The following GFRA4 variants were observed in gnomAD, a reference collection of about 807,000 sequenced individuals.
GFRA4 encodes GDNF family receptor alpha 4.
Under a neutral mutation model 28.5 loss-of-function variants are expected in GFRA4, and 31 were observed. The ratio of observed to expected loss-of-function variants is 1.09; its 90% confidence interval spans 0.82 to 1.47. The LOEUF is 1.47. GFRA4 is among the 40% of genes most tolerant of loss of function. The pLI is 0.00. For synonymous variants in GFRA4, 188 were observed against 188.0 expected (o/e 1.00, Z 0.00); for missense variants, 389 against 413.2 (o/e 0.94, Z 0.51).
chr20:3,660,869 G>A lies in GFRA4; in HGVS notation c.393-5C>T. The A allele has an allele frequency of 7.1e-7, 1 of 1,409,112 alleles. No individual in the cohort carries two copies. Among genetic ancestry groups the A allele is most frequent in the Non-Finnish European group, 9.2e-7 (1 of 1,091,744 alleles). The allele number at this position is 1,409,112 out of a possible 1,614,324, so 87.3% of individuals were successfully genotyped here. On this transcript the variant is annotated splice_polypyrimidine_tract_variant and splice_region_variant and intron_variant, in intron 2 of 5. Coordinates refer to ENST00000290417, the MANE Select transcript of GFRA4 (RefSeq NM_022139.4). ...TGAAAGGCCAGGAGGCGAGGCCTGC[G>A]CGGCGGGAGGGCGGTGAGCCGGAGA...
At chr20:3,662,488 C>T (rs912261453) in intron 1 of GFRA4, among the ~76,000 whole-genome samples, 1 of 152,008 alleles carries the variant, frequency 6.6e-6, no homozygotes, top group Non-Finnish European at 1.5e-5. Flanking sequence ...GGTATCCCCC[C>T]CCCAGGGCTG....
At chr20:3,663,288 T>A in intron 1 of GFRA4, 66 bp downstream of exon 1, 1 of 1,541,456 alleles carries the variant, frequency 6.5e-7, no homozygotes, top group African/African-American at 1.4e-5. Flanking sequence ...CCCTCCCACC[T>A]TGTCACTGAG....
intron 4 of GFRA4, 121 bp from the exon 5 acceptor site, chr20:3,660,370 G>A: frequency 9.4e-7 from 1 of 1,061,460 alleles, no homozygotes. Context: ...AAGGTGTGTG[G>A]TGAGGAATAA....
intron 1 of GFRA4, among the ~76,000 whole-genome samples, chr20:3,662,299 T>C (rs2087232273): frequency 2.0e-5 from 3 of 152,168 alleles, no homozygotes; most frequent in Non-Finnish European, 4.4e-5. Flanking sequence ...TGGCAGCCCC[T>C]TCCCAGGATT....
rs145198176 is a variant in GFRA4, at chr20:3,659,984, G to C, written c.735C>G (p.Ser245=). The change falls in exon 6 of 6, where the codon TCC becomes TCG. Residue 245 remains serine (S), a synonymous_variant. Transcript: ENST00000290417. ...GDPEHSLLQV[S]STGRALERRS... is the part of the protein sequence containing the mutation. Reference sequence around the variant, plus strand: ...GTCTCTCCAGGGCCCTGCCTGTGGAGGACACCTTGGGGGTGGGAGCCAAGT... The same window carrying C: ...GTCTCTCCAGGGCCCTGCCTGTGGACGACACCTTGGGGGTGGGAGCCAAGT... The C allele has an allele frequency of 9.6e-5, 152 of 1,575,812 alleles. No homozygotes were observed. The African/African-American group carries it at 1.7e-3, about 18-fold the overall frequency.
In GFRA4 at chr20:3,660,177, G is replaced by A. The variant is rs1272858848; in HGVS notation, c.710C>T (p.Pro237Leu). The change falls in exon 5 of 6, where the codon CCG becomes CTG. Residue 237 changes from proline (P) to leucine (L), a missense_variant. Physicochemically the swap from Pro to Leu is moderately conservative, Grantham distance 98 (BLOSUM62 -3). Coordinates refer to ENST00000290417, the MANE Select transcript of GFRA4 (RefSeq NM_022139.4). Reference sequence around the variant, plus strand: ...ACCTACCTGCAGGAGGCTGTGCTCCGGGTCTCCCTGGGGGTTCAGCTGGTC... The same window carrying A: ...ACCTACCTGCAGGAGGCTGTGCTCCAGGTCTCCCTGGGGGTTCAGCTGGTC... Reference protein sequence around the residue: ...LLDQLNPQGDPEHSLLQVSST... With the variant: ...LLDQLNPQGDLEHSLLQVSST... 3.8e-6 allele frequency: 6 copies of A among 1,594,980 alleles called. No individual in the cohort carries two copies. The Admixed American group carries it at 8.8e-5, about 24-fold the overall frequency.
rs2087201035 is a variant in GFRA4, at chr20:3,660,124, AG to A, written c.729+33del. 1.9e-6 allele frequency: 3 copies of A among 1,540,586 alleles called. No individual in the cohort carries two copies. The African/African-American group carries it at 4.1e-5, about 21-fold the overall frequency. ...AAGGGTGTGAAGGTGACAGTGGGGG[AG>A]GTGCCAGCTCACCCTCCCCTCCCTG... is the stretch of plus-strand genomic sequence containing the variant. On this transcript the variant is annotated intron_variant, in intron 5 of 5. Coordinates refer to ENST00000290417, the MANE Select transcript of GFRA4 (RefSeq NM_022139.4).
In GFRA4 at chr20:3,660,362, G is replaced by A. The variant is rs1435910001; in HGVS notation, c.638-113C>T. ...GCAAAGACTGGCTCCTTGGACAGAA[G>A]GTGTGTGGTGAGGAATAACAAAATA... On this transcript the variant is annotated intron_variant, in intron 4 of 5. Transcript: ENST00000290417. The A allele has an allele frequency of 1.5e-5, 16 of 1,075,024 alleles. No individual in the cohort carries two copies. In the African/African-American group the frequency reaches 2.1e-4, roughly 14 times the overall value. 66.6% of individuals were successfully genotyped at this position (1,075,024 alleles called of 1,614,324 possible). A position where few individuals can be genotyped will look rare whatever the true frequency, so the allele number is the denominator to read the frequency against.
In GFRA4 at chr20:3,663,376, C is replaced by T. The variant is rs952508202; in HGVS notation, c.24G>A (p.Ala8=). Reference sequence around the variant, plus strand: ...CACCCAGTAACAGCAGCAGCAGCAGCGCAGGCCCCAGGCAGCGGACCATGC... The same window carrying T: ...CACCCAGTAACAGCAGCAGCAGCAGTGCAGGCCCCAGGCAGCGGACCATGC... MVRCLGP[A]LLLLLLLGSA... Residue 8 remains alanine, a synonymous_variant, in exon 1 of 6, where the codon GCG becomes GCA. Transcript: ENST00000290417. 9.9e-6 allele frequency: 16 copies of T among 1,611,002 alleles called. No individual in the cohort carries two copies. Among genetic ancestry groups the T allele is most frequent in the African/African-American group, 5.3e-5 (4 of 74,870 alleles).
At chr20:3,661,330 C>T in intron 1 of GFRA4, 41 bp from the exon 2 acceptor site, 3 of 1,394,384 alleles carry the variant, frequency 2.2e-6, no homozygotes, top group African/African-American at 1.5e-5. Flanking sequence ...CAGTGCGCCC[C>T]GCATGCACAC....
chr20:3,661,431 A>G (rs2087224230), intron 1 of GFRA4, 142 bp from the exon 2 acceptor site: 1 of 1,286,298 alleles, frequency 7.8e-7, no homozygotes, highest in African/African-American at 1.6e-5. Flanking sequence ...GCCGACTGGC[A>G]CTGATCGGCT....
Position 3,660,967 on chromosome 20 carries a change from G to T in GFRA4, c.369C>A (p.Phe123Leu), listed in dbSNP as rs2087214657. 12 of 1,380,856 alleles carry T rather than the reference G, an allele frequency of 8.7e-6. No individual in the cohort carries two copies. Among genetic ancestry groups the T allele is most frequent in the Non-Finnish European group, 1.1e-5 (12 of 1,070,770 alleles). The allele number at this position is 1,380,856 out of a possible 1,614,324, so 85.5% of individuals were successfully genotyped here. A position where few individuals can be genotyped will look rare whatever the true frequency, so the allele number is the denominator to read the frequency against. The change falls in exon 2 of 6, where the codon TTC (phenylalanine) becomes TTA (leucine). Residue 123 changes from phenylalanine (F) to leucine (L), a missense_variant. Transcript: ENST00000290417. ...ACCTGCAGACCCGGCTGCGCTCGCA[G>T]AAGTTTAAGGGCTCAAGGCAGGAGG... ...APPSCLEPLN[F>L]CERSRVCRPR...
intron 4 of GFRA4, 78 bp from the exon 5 acceptor site, chr20:3,660,327 AC>A (rs2087203974): frequency 3.2e-6 from 4 of 1,247,124 alleles, no homozygotes; most frequent in South Asian, 2.8e-5. Flanking sequence ...AAAGTGAGAG[AC>A]CCCCTGCTGC....
Position 3,660,945 on chromosome 20 carries a change from T to G in GFRA4, c.391A>C (p.Arg131=), listed in dbSNP as rs767279422. Residue 131 remains arginine (R), a splice_region_variant and synonymous_variant, in exon 2 of 6, where the codon AGG becomes CGG. Coordinates refer to ENST00000290417, the MANE Select transcript of GFRA4 (RefSeq NM_022139.4). ...GGCCCCGCCGCCGCCCGCGCGCACC[T>G]GCAGACCCGGCTGCGCTCGCAGAAG... The part of the protein sequence containing the change: ...LNFCERSRVC[R]PRLLAFQVSC... 6.5e-5 allele frequency: 91 copies of G among 1,398,266 alleles called. 1 individual carries two copies. The South Asian group carries it at 1.2e-3, about 19-fold the overall frequency. 86.6% of individuals were successfully genotyped at this position (1,398,266 alleles called of 1,614,324 possible).
In GFRA4 at chr20:3,661,260, A is replaced by G. The variant is rs1307935806; in HGVS notation, c.76T>C (p.Cys26Arg). The change falls in exon 2 of 6, where the codon TGT (cysteine) becomes CGT (arginine). Residue 26 changes from cysteine to arginine, a missense_variant. Cys to Arg is a radical substitution (Grantham distance 180, BLOSUM62 -3). Coordinates refer to ENST00000290417, the MANE Select transcript of GFRA4 (RefSeq NM_022139.4). ...GSASSVGGNR[C>R]VDAAEACTAD... The stretch of plus-strand genomic sequence containing the variant: ...GTGCAGGCTTCGGCCGCGTCCACAC[A>G]TCGGTTCCCTCCGACCGAGCTCGCC... The G allele has an allele frequency of 6.7e-7, 1 of 1,491,998 alleles. No homozygotes were observed. 92.4% of individuals were successfully genotyped at this position (1,491,998 alleles called of 1,614,324 possible). A position where few individuals can be genotyped will look rare whatever the true frequency, so the allele number is the denominator to read the frequency against.
Position 3,660,571 on chromosome 20 carries a change from C to T in GFRA4, c.592G>A (p.Asp198Asn), listed in dbSNP as rs1235526097. The change falls in exon 4 of 6, where the codon GAC becomes AAC. Residue 198 changes from aspartate (D) to asparagine (N), a missense_variant. Coordinates refer to ENST00000290417, the MANE Select transcript of GFRA4 (RefSeq NM_022139.4). The stretch of plus-strand genomic sequence containing the variant: ...AAGAGCCCCCGGAAGGCTTCGCAGT[C>T]CTCACGCCGGTTCCCGCTGGCTCCG... ...DCGASGNRREDCEAFRGLFTR... is the reference protein window; with the variant it reads ...DCGASGNRRENCEAFRGLFTR... 2.6e-6 allele frequency: 4 copies of T among 1,550,986 alleles called. No individual in the cohort carries two copies. Among genetic ancestry groups the T allele is most frequent in the Non-Finnish European group, 3.5e-6 (4 of 1,147,474 alleles).
rs1441220663 is a variant in GFRA4 at position 3,661,246 on chromosome 20, G to A, written c.90C>T (p.Ala30=). 1.3e-6 allele frequency: 2 copies of A among 1,499,602 alleles called. No individual in the cohort carries two copies. Among genetic ancestry groups the A allele is most frequent in the Non-Finnish European group, 1.8e-6 (2 of 1,130,622 alleles). 92.9% of individuals were successfully genotyped at this position (1,499,602 alleles called of 1,614,324 possible). A position where few individuals can be genotyped will look rare whatever the true frequency, so the allele number is the denominator to read the frequency against. Residue 30 remains alanine (A), a synonymous_variant, in exon 2 of 6, where the codon GCC becomes GCT. Transcript: ENST00000290417. ...SVGGNRCVDA[A]EACTADARCQ... ...ACCGCGCGTCCGCCGTGCAGGCTTCGGCCGCGTCCACACATCGGTTCCCTC... is the reference window on the plus strand; with the variant it reads ...ACCGCGCGTCCGCCGTGCAGGCTTCAGCCGCGTCCACACATCGGTTCCCTC...
At chr20:3,663,324 C>T (rs1231812246) in intron 1 of GFRA4, 30 bp downstream of exon 1, 4 of 1,604,190 alleles carry the variant, frequency 2.5e-6, no homozygotes, top group Non-Finnish European at 1.7e-6. Context: ...GGCCAGGGTT[C>T]GGGGTCCAGG....
In GFRA4 at chr20:3,659,959, G is replaced by A. The variant is rs373372326; in HGVS notation, c.760C>T (p.Arg254Cys). 399 of 1,593,316 alleles carry A rather than the reference G, an allele frequency of 2.5e-4. 6 individuals carry two copies. The South Asian group carries it at 3.8e-3, about 15-fold the overall frequency. ...ACAGGAAGTATGGAGAGCAGGGAGC[G>A]TCTCTCCAGGGCCCTGCCTGTGGAG... The part of the protein sequence containing the change: ...VSSTGRALER[R>C]SLLSILPVLA... The change falls in exon 6 of 6, where the codon CGC becomes TGC. Residue 254 changes from arginine (R) to cysteine (C), a missense_variant. By Grantham distance (180) the Arg-to-Cys change is radical. Transcript: ENST00000290417.
Sources: allele counts gnomAD v4.1 joint callset (sites outside exome capture counted in the v4.1 genomes callset), GRCh38; gene constraint gnomAD v4.1.1; transcripts MANE v1.5; gene names NCBI Gene and HGNC (gene_info 2026-07-23, HGNC 2026-07-21).